The following CCDC171 variants were observed in gnomAD, a reference collection of about 807,000 sequenced individuals.
The protein encoded by CCDC171 is coiled-coil domain-containing protein 171.
Under a neutral mutation model 168.2 loss-of-function variants are expected in CCDC171, and 177 were observed. That is an observed-to-expected ratio of 1.05 (90% CI 0.93 to 1.19). CCDC171 has a LOEUF of 1.19. CCDC171 is among the 50% of genes most tolerant of loss of function. The pLI, the probability that CCDC171 is intolerant of heterozygous loss-of-function variation, is 0.00. For missense variants in CCDC171, 1,991 were observed against 1,539.0 expected (o/e 1.29, Z -4.91); for synonymous variants, 687 against 540.8 (o/e 1.27, Z -3.75).
intron 18 of CCDC171, among the ~76,000 whole-genome samples, chr9:15,774,246 TAAAAAAAAAAAAAAAAA>T (rs56239417): frequency 0.033 from 1,249 of 38,068 alleles, 47 homozygotes; most frequent in African/African-American, 0.11. Context: ...ACGCTGTCTT[TAAAAAAAAAAAAAAAAA>T]AAAAAAAAAA....
intron 7 of CCDC171, among the ~76,000 whole-genome samples, chr9:15,629,355 A>T (rs2045474333): frequency 6.6e-6 from 1 of 152,228 alleles, no homozygotes; most frequent in Non-Finnish European, 1.5e-5. Context: ...GCTGAAAGCC[A>T]AGGCTCGAGA....
intron 11 of CCDC171, among the ~76,000 whole-genome samples, chr9:15,702,056 T>C (rs551171838): frequency 1.3e-5 from 2 of 152,360 alleles, no homozygotes; most frequent in South Asian, 4.1e-4. Flanking sequence ...TTACCAGGCT[T>C]GAAAACAACA....
chr9:15,607,141 C>G (rs574883683), intron 6 of CCDC171, among the ~76,000 whole-genome samples: 89 of 152,214 alleles, frequency 5.8e-4, no homozygotes, highest in African/African-American at 2.0e-3. Flanking sequence ...TACAACCCCC[C>G]CAGGGATTTA....
At chr9:15,779,229 T>C (rs774311643) in intron 20 of CCDC171, 79 bp downstream of exon 20, 4 of 794,508 alleles carry the variant, frequency 5.0e-6, no homozygotes, top group Non-Finnish European at 7.1e-6. Flanking sequence ...TCCTTAACTT[T>C]TGTTATGTGT....
intron 24 of CCDC171, among the ~76,000 whole-genome samples, chr9:15,879,371 C>A (rs1047735080): frequency 1.3e-5 from 2 of 151,962 alleles, no homozygotes; most frequent in Non-Finnish European, 2.9e-5. Context: ...TACCTATATA[C>A]AATGTGCAAT....
intron 25 of CCDC171, among the ~76,000 whole-genome samples, chr9:15,933,364 C>G (rs981516172): frequency 6.6e-6 from 1 of 151,732 alleles, no homozygotes; most frequent in African/African-American, 2.4e-5. Context: ...ATTGTGATGT[C>G]TTCTTTTTAA....
chr9:15,783,057 AT>A (rs2057746844), intron 20 of CCDC171, among the ~76,000 whole-genome samples: 1 of 152,156 alleles, frequency 6.6e-6, no homozygotes. Flanking sequence ...GCACTCTTAA[AT>A]TTTTGAGGAA....
intron 25 of CCDC171, among the ~76,000 whole-genome samples, chr9:15,949,138 TGTG>T: frequency 6.6e-6 from 1 of 152,082 alleles, no homozygotes; most frequent in Non-Finnish European, 1.5e-5. Context: ...GTTGTAGATA[TGTG>T]GCATTATTTC....
At position 15,862,630 on chromosome 9, in the gene CCDC171, GA is replaced by G. The variant is rs35789508; in HGVS notation, c.3469-11891del. On this transcript the variant is annotated intron_variant, in intron 23 of 25. Coordinates refer to ENST00000380701, the MANE Select transcript of CCDC171 (RefSeq NM_173550.4). ...TGTGTTGGTATCTGTGCATTAAGGAGAAAAAAAAAAAGAACCTACCATCTCT... is the reference window on the plus strand; with the variant it reads ...TGTGTTGGTATCTGTGCATTAAGGAGAAAAAAAAAAGAACCTACCATCTCT... 1.2e-3 allele frequency among the ~76,000 whole-genome samples: 173 copies of G among 142,960 alleles called. 1 individual carries two copies. The highest frequency in any genetic ancestry group is 2.9e-3 in the African/African-American group (112 of 39,226). 93.8% of individuals were successfully genotyped at this position (142,960 alleles called of 152,430 possible).
intron 25 of CCDC171, among the ~76,000 whole-genome samples, chr9:15,932,073 T>C (rs1017973242): frequency 2.0e-5 from 3 of 152,008 alleles, no homozygotes; most frequent in Non-Finnish European, 2.9e-5. Context: ...AGGATTGTTT[T>C]GGCTATTCAG....
At chr9:15,601,455 C>T (rs1301137440) in intron 6 of CCDC171, among the ~76,000 whole-genome samples, 1 of 152,198 alleles carries the variant, frequency 6.6e-6, no homozygotes, top group South Asian at 2.1e-4. Context: ...GACAGTACAA[C>T]CACGCTTTAG....
At chr9:15,707,479 A>G (rs2052336206) in intron 11 of CCDC171, among the ~76,000 whole-genome samples, 1 of 152,240 alleles carries the variant, frequency 6.6e-6, no homozygotes, top group South Asian at 2.1e-4. Flanking sequence ...AAGTGAGACT[A>G]TGCCATTTAA....
chr9:15,666,468 C>T (rs1162368834), intron 9 of CCDC171, 145 bp downstream of exon 9: 2 of 568,164 alleles, frequency 3.5e-6, no homozygotes, highest in Non-Finnish European at 6.1e-6. Context: ...TAAAACATAA[C>T]TATACTTTCC....
intron 18 of CCDC171, among the ~76,000 whole-genome samples, chr9:15,755,251 T>G (rs548081034): frequency 6.6e-6 from 1 of 152,268 alleles, no homozygotes; most frequent in Non-Finnish European, 1.5e-5. Flanking sequence ...TACTCTACTT[T>G]CAGGCATTAG....
At chr9:15,831,624 A>G (rs2060237442) in intron 21 of CCDC171, among the ~76,000 whole-genome samples, 3 of 152,210 alleles carry the variant, frequency 2.0e-5, no homozygotes, top group Admixed American at 6.5e-5. Context: ...TTGCATGTTA[A>G]GCACATGTAC....
chr9:16,044,884 T>C (rs1161968971), intron 1 of CCDC171, among the ~76,000 whole-genome samples: 1 of 152,176 alleles, frequency 6.6e-6, no homozygotes, highest in African/African-American at 2.4e-5. Flanking sequence ...TTGTTGCCAA[T>C]TTGCCCCACT....
intron 11 of CCDC171, among the ~76,000 whole-genome samples, chr9:15,720,211 T>C (rs2053386032): frequency 6.6e-6 from 1 of 152,182 alleles, no homozygotes; most frequent in Non-Finnish European, 1.5e-5. Flanking sequence ...CACCATACTC[T>C]GAGCTGAGTA....
chr9:15,776,135 C>G (rs1490990676), intron 18 of CCDC171: 2 of 151,898 alleles, frequency 1.3e-5, no homozygotes, highest in East Asian at 3.8e-4. Context: ...TCTTTTTCAT[C>G]CATTGTTTTC....
chr9:15,571,478 A>G (rs1243001230), intron 2 of CCDC171, 146 bp from the exon 3 acceptor site: 9 of 556,358 alleles, frequency 1.6e-5, no homozygotes, highest in Non-Finnish European at 2.1e-5. Context: ...TGCAGTGGAC[A>G]TCTTTTACTA....
Sources: allele counts gnomAD v4.1 joint callset (sites outside exome capture counted in the v4.1 genomes callset), GRCh38; gene constraint gnomAD v4.1.1; transcripts MANE v1.5; gene names NCBI Gene and HGNC (gene_info 2026-07-23, HGNC 2026-07-21).